Variants in ART3 observed in about 807,000 individuals in gnomAD.
ART3 encodes ADP-ribosyltransferase 3 (inactive).
A neutral mutation model predicts 48.5 loss-of-function variants in ART3; 49 were observed. The ratio of observed to expected loss-of-function variants is 1.01; its 90% CI spans 0.80 to 1.28. ART3 has a LOEUF of 1.28. Ranked by LOEUF, ART3 falls within the 50% of genes most tolerant of loss-of-function variation. The pLI, the probability that ART3 is intolerant of heterozygous loss-of-function variation, is 0.00. For synonymous variants in ART3, 145 were observed against 157.2 expected (o/e 0.92, Z 0.58); for missense variants, 438 against 454.3 (o/e 0.96, Z 0.33).
At chr4:76,022,639 A>G in intron 1 of ART3, 30 of 1,566,858 alleles carry the variant, frequency 1.9e-5, no homozygotes, top group Non-Finnish European at 2.5e-5. Flanking sequence ...CATATTTAAT[A>G]CAGTATATAA....
At chr4:76,094,984 C>T (rs932702294) in intron 3 of ART3, among the ~76,000 whole-genome samples, 3 of 152,172 alleles carry the variant, frequency 2.0e-5, no homozygotes, top group African/African-American at 4.8e-5. Flanking sequence ...ATAATATTCT[C>T]ATATCTTTTT....
At chr4:76,049,692 G>A (rs529211428) in intron 1 of ART3, among the ~76,000 whole-genome samples, 16 of 152,018 alleles carry the variant, frequency 1.1e-4, no homozygotes, top group Middle Eastern at 6.8e-3. Context: ...GGGTCTGATG[G>A]TACTCACTGC....
chr4:76,093,516 A>G (rs1030990045), intron 3 of ART3, among the ~76,000 whole-genome samples: 1 of 152,076 alleles, frequency 6.6e-6, no homozygotes, highest in African/African-American at 2.4e-5. Flanking sequence ...TGTTTTTTCC[A>G]CTTTTAAGAA....
At chr4:76,067,324 G>A (rs552947036) in intron 1 of ART3, among the ~76,000 whole-genome samples, 54 of 152,322 alleles carry the variant, frequency 3.5e-4, no homozygotes, top group African/African-American at 1.2e-3. Context: ...TTAAGAAGAT[G>A]CCCGCCAAGG....
chr4:76,100,523 C>T (rs1046811628), intron 6 of ART3, among the ~76,000 whole-genome samples: 7 of 151,022 alleles, frequency 4.6e-5, no homozygotes, highest in African/African-American at 7.3e-5. Context: ...CCCAGCTACT[C>T]GGGAGGCTGA....
chr4:76,018,751 A>G (rs918859991), intron 1 of ART3, among the ~76,000 whole-genome samples: 4 of 152,146 alleles, frequency 2.6e-5, no homozygotes, highest in Non-Finnish European at 4.4e-5. Flanking sequence ...GCCAGAGCTG[A>G]GCATGGTGGC....
intron 1 of ART3, 76 bp from the exon 2 acceptor site, chr4:76,075,805 G>A (rs6532172): frequency 0.56 from 593,353 of 1,055,904 alleles, 173,671 homozygotes; most frequent in East Asian, 0.94. Flanking sequence ...GAAAAAATAC[G>A]CAGTGTCATC....
At chr4:76,028,848 C>A (rs557123844) in intron 1 of ART3, among the ~76,000 whole-genome samples, 77 of 152,272 alleles carry the variant, frequency 5.1e-4, no homozygotes, top group African/African-American at 1.9e-3. Context: ...TTGGAGGAGG[C>A]AGAGGCTCAG....
At chr4:76,065,686 C>G (rs1228459545) in intron 1 of ART3, among the ~76,000 whole-genome samples, 1 of 151,716 alleles carries the variant, frequency 6.6e-6, no homozygotes, top group Non-Finnish European at 1.5e-5. Context: ...GGCCTAAAAT[C>G]TACCAATAGG....
At chr4:76,020,605 G>A (rs765895470) in intron 1 of ART3, among the ~76,000 whole-genome samples, 50 of 152,190 alleles carry the variant, frequency 3.3e-4, no homozygotes, top group Non-Finnish European at 6.2e-4. Context: ...TAGAGGAGGA[G>A]AAACAGATCT....
chr4:76,105,800 C>G, intron 10 of ART3: 3 of 985,454 alleles, frequency 3.0e-6, no homozygotes, highest in Non-Finnish European at 3.6e-6. Flanking sequence ...GAACAGTTGG[C>G]TTCCAGCTGG....
intron 1 of ART3, among the ~76,000 whole-genome samples, chr4:76,018,512 T>C (rs1732466597): frequency 6.6e-6 from 1 of 152,176 alleles, no homozygotes; most frequent in African/African-American, 2.4e-5. Context: ...GGTGATGAAA[T>C]AATCTATACA....
intron 1 of ART3, among the ~76,000 whole-genome samples, chr4:76,017,551 G>A (rs1340615276): frequency 6.6e-6 from 1 of 151,986 alleles, no homozygotes; most frequent in East Asian, 1.9e-4. Context: ...GAAGGGTGGT[G>A]CAAGCACTCT....
intron 3 of ART3, among the ~76,000 whole-genome samples, chr4:76,087,892 A>C (rs1013430839): frequency 4.6e-5 from 7 of 152,190 alleles, no homozygotes; most frequent in Non-Finnish European, 8.8e-5. Flanking sequence ...ATAAAGTTGA[A>C]ATGTTAGCTG....
chr4:76,104,435 A>G (rs1728020885), intron 9 of ART3, 162 bp from the exon 10 acceptor site: 1 of 985,442 alleles, frequency 1.0e-6, no homozygotes, highest in Non-Finnish European at 1.2e-6. Flanking sequence ...GTGGATTTGT[A>G]TAATAAGGGT....
chr4:76,077,187 T>C (rs1721293311), intron 2 of ART3, among the ~76,000 whole-genome samples: 1 of 152,170 alleles, frequency 6.6e-6, no homozygotes, highest in Non-Finnish European at 1.5e-5. Flanking sequence ...GCCCCAATTT[T>C]CTCCATCCCC....
At chr4:76,023,793 A>T (rs761156503) in intron 1 of ART3, among the ~76,000 whole-genome samples, 63 of 152,338 alleles carry the variant, frequency 4.1e-4, no homozygotes, top group Non-Finnish European at 7.3e-4. Flanking sequence ...ATCCATTCTA[A>T]CTATAATGCT....
Position 76,082,162 on chromosome 4 carries a change from A to G in ART3, c.408A>G (p.Lys136=), listed in dbSNP as rs2149557645. The change falls in exon 3 of 12, where the codon AAA becomes AAG. Residue 136 remains lysine (K), a synonymous_variant. Coordinates refer to ENST00000355810, the MANE Select transcript of ART3 (RefSeq NM_001130016.3). ...ATTATATCTATGGCTTCCAGTTCAA[A>G]GCTTTCCACTTTTACCTCACAAGAG... is the stretch of plus-strand genomic sequence containing the variant. ...REDYIYGFQF[K]AFHFYLTRAL... 1 of 1,614,218 alleles carries G rather than the reference A, an allele frequency of 6.2e-7. No individual in the cohort carries two copies. Among genetic ancestry groups the G allele is most frequent in the Non-Finnish European group, 8.5e-7 (1 of 1,180,040 alleles).
At position 76,037,080 on chromosome 4, in the gene ART3, A is replaced by G. The variant is rs74469588; in HGVS notation, c.-10+25760A>G. 1,173 of 157,260 alleles carry G rather than the reference A, an allele frequency of 7.5e-3. 18 individuals are homozygous for G. The highest frequency in any genetic ancestry group is 0.027 in the African/African-American group (1,105 of 41,598). 9.7% of individuals were successfully genotyped at this position (157,260 alleles called of 1,614,324 possible). On this transcript the variant is annotated intron_variant, in intron 1 of 9. Transcript: ENST00000341029. ...GCAGTGTCATGGCTGCTGCCCTCCAATGGTGGCCATGGTGGAAAGCTACTT... is the reference window on the plus strand; with the variant it reads ...GCAGTGTCATGGCTGCTGCCCTCCAGTGGTGGCCATGGTGGAAAGCTACTT...
Sources: allele counts gnomAD v4.1 joint callset (sites outside exome capture counted in the v4.1 genomes callset), GRCh38; gene constraint gnomAD v4.1.1; transcripts MANE v1.5; gene names NCBI Gene and HGNC (gene_info 2026-07-23, HGNC 2026-07-21).